Variants in INSL6 observed in about 807,000 individuals in gnomAD.
The protein encoded by INSL6 is insulin-like peptide INSL6.
INSL6 carries 16 observed loss-of-function variants against 9.4 expected under a neutral mutation model. The observed-to-expected ratio is 1.70, with a 90% confidence interval of 1.15 to 2.59. The LOEUF (loss-of-function observed/expected upper bound fraction) is 2.59, where lower values mean the gene tolerates loss of function less well. Among genes scored for constraint, INSL6 ranks in the 30% most tolerant of loss-of-function variants. The probability of loss-of-function intolerance (pLI) is 0.00; values close to 1 mark genes in which losing one functional copy is unlikely to be tolerated. For missense variants in INSL6, 391 were observed against 257.3 expected (o/e 1.52, Z -3.56); for synonymous variants, 154 against 96.9 (o/e 1.59, Z -3.46).
At chr9:5,016,138 C>T in the INSL6 span, among the ~76,000 whole-genome samples, 9 of 152,246 alleles carry the variant, frequency 5.9e-5, no homozygotes, top group Admixed American at 6.5e-5. Context: ...GGGAACCTCC[C>T]GCCAAACGCT....
At chr9:5,134,868 C>A (rs1048341407) in intron 2 of INSL6, among the ~76,000 whole-genome samples, 1 of 152,100 alleles carries the variant, frequency 6.6e-6, no homozygotes, top group Admixed American at 6.5e-5. Context: ...GAGCTAAACA[C>A]CTCAATTAAA....
At chr9:5,041,762 C>T in the INSL6 span, 2 of 489,086 alleles carry the variant, frequency 4.1e-6, no homozygotes, top group Admixed American at 2.3e-5. Context: ...GTGTCCACAC[C>T]GACCTGCCCT....
intron 2 of INSL6, among the ~76,000 whole-genome samples, chr9:5,150,493 T>C (rs1388902885): frequency 1.3e-5 from 2 of 152,168 alleles, no homozygotes; most frequent in African/African-American, 2.4e-5. Context: ...TCACTGATGT[T>C]CAGAGAAAAA....
At chr9:5,166,182 A>T (rs1296952135) in intron 1 of INSL6, among the ~76,000 whole-genome samples, 1 of 151,942 alleles carries the variant, frequency 6.6e-6, no homozygotes, top group Non-Finnish European at 1.5e-5. Flanking sequence ...AGATTCACAG[A>T]GAGAGAGGAA....
chr9:5,160,796 G>T (rs529711229), downstream of INSL6, among the ~76,000 whole-genome samples: 88 of 152,152 alleles, frequency 5.8e-4, no homozygotes, highest in Middle Eastern at 3.4e-3. Flanking sequence ...GATCATTAGA[G>T]GCTACAATGA....
the INSL6 span, among the ~76,000 whole-genome samples, chr9:5,031,557 A>G: frequency 6.6e-6 from 1 of 152,366 alleles, no homozygotes; most frequent in East Asian, 1.9e-4. Context: ...TGTATATCAG[A>G]TAAATTATAG....
At chr9:5,022,021 G>C in the INSL6 span, 1 of 1,614,148 alleles carries the variant, frequency 6.2e-7, no homozygotes, top group South Asian at 1.1e-5. Flanking sequence ...GACAGAAATG[G>C]AGGGAACATC....
At chr9:5,022,035 C>T in the INSL6 span, 4 of 1,614,046 alleles carry the variant, frequency 2.5e-6, no homozygotes, top group South Asian at 2.2e-5. Flanking sequence ...GAACATCCAC[C>T]TCTTCTATAT....
At chr9:5,073,568 C>G in the INSL6 span, 1 of 713,338 alleles carries the variant, frequency 1.4e-6, no homozygotes, top group East Asian at 2.5e-5. Flanking sequence ...GACCAAAGCA[C>G]ATTGTATCCT....
the INSL6 span, among the ~76,000 whole-genome samples, chr9:5,038,886 A>T: frequency 6.6e-6 from 1 of 152,146 alleles, no homozygotes; most frequent in Non-Finnish European, 1.5e-5. Flanking sequence ...CACCACATTA[A>T]TAGAATAAAT....
At chr9:5,058,226 C>A in the INSL6 span, among the ~76,000 whole-genome samples, 13 of 152,282 alleles carry the variant, frequency 8.5e-5, no homozygotes, top group African/African-American at 3.1e-4. Flanking sequence ...CGTTCTCACA[C>A]TGCTATAAAG....
At chr9:5,115,107 A>T in the INSL6 span, among the ~76,000 whole-genome samples, 61 of 152,270 alleles carry the variant, frequency 4.0e-4, no homozygotes, top group East Asian at 0.011. Context: ...AGCAAAAGAA[A>T]CTGATCAGAG....
the INSL6 span, among the ~76,000 whole-genome samples, chr9:4,994,962 A>G: frequency 4.1e-4 from 63 of 151,846 alleles, 1 homozygote; most frequent in African/African-American, 1.5e-3. Flanking sequence ...GTGTGTGACT[A>G]TAACTAAAGA....
the INSL6 span, chr9:5,085,910 A>C: frequency 1.5e-4 from 149 of 989,836 alleles, no homozygotes; most frequent in African/African-American, 1.8e-3. Context: ...TAATACCCTC[A>C]TACAGACCTT....
At chr9:4,995,777 T>C in the INSL6 span, among the ~76,000 whole-genome samples, 1 of 152,368 alleles carries the variant, frequency 6.6e-6, no homozygotes, top group Admixed American at 6.5e-5. Flanking sequence ...TTCATTTTAG[T>C]TATTCTATTT....
At chr9:5,041,339 G>C in the INSL6 span, 2 of 668,020 alleles carry the variant, frequency 3.0e-6, no homozygotes, top group African/African-American at 3.6e-5. Context: ...GAGCTTGACA[G>C]GTACGGCGTG....
At chr9:5,090,872 A>T in the INSL6 span, 1 of 1,609,694 alleles carries the variant, frequency 6.2e-7, no homozygotes, top group Non-Finnish European at 8.5e-7. Context: ...GACAAAGAAT[A>T]CTATAAAGTA....
chr9:5,082,929 A>G, the INSL6 span, among the ~76,000 whole-genome samples: 1 of 152,212 alleles, frequency 6.6e-6, no homozygotes, highest in African/African-American at 2.4e-5. Flanking sequence ...ACAGATCAAA[A>G]TGGAATTTCT....
At chr9:5,054,062 G>T in the INSL6 span, among the ~76,000 whole-genome samples, 2 of 152,012 alleles carry the variant, frequency 1.3e-5, no homozygotes, top group African/African-American at 2.4e-5. The surrounding 1 kb of genome is among the most constrained non-coding windows in gnomAD (Gnocchi z 4.9). Context: ...GAATTATTAG[G>T]AGTTGAAGCT....
Sources: gnomAD v4.1 joint callset for allele counts (sites outside exome capture counted in the v4.1 genomes callset) on GRCh38, gnomAD v4.1.1 for gene constraint, Gnocchi (gnomAD v3.1) non-coding constraint, MANE v1.5 for transcripts, NCBI Gene and HGNC (gene_info 2026-07-23, HGNC 2026-07-21) for gene names.